Variants in TMSB10 observed in about 807,000 individuals in gnomAD.
TMSB10 encodes thymosin beta-10.
In TMSB10, 4 loss-of-function variants were observed where a neutral mutation model predicts 4.5. The ratio of observed to expected loss-of-function variants is 0.89; its 90% CI spans 0.44 to 2.03. TMSB10 has a LOEUF of 2.03. Ranked by LOEUF, TMSB10 falls within the 30% of genes most tolerant of loss-of-function variation. TMSB10 has a pLI of 0.03. For missense variants in TMSB10, 44 were observed against 53.9 expected (o/e 0.82, Z 0.57); for synonymous variants, 17 against 20.3 (o/e 0.84, Z 0.44).
At chr2:84,906,240 C>A (rs544306603) in intron 2 of TMSB10, 123 bp downstream of exon 2, 242 of 1,430,232 alleles carry the variant, frequency 1.7e-4, no homozygotes, top group Middle Eastern at 7.2e-4. Context: ...GCCACTCTTT[C>A]AGTTTCACAA....
rs1683679551 is a variant in TMSB10, at chr2:84,905,699, GCTCGGAACGAGA to G, written c.-32_-21del. 5.0e-6 allele frequency: 1 copy of G among 200,532 alleles called. No individual in the cohort carries two copies. The highest frequency in any genetic ancestry group is 1.0e-5 in the Non-Finnish European group (1 of 98,938). The allele number at this position is 200,532 out of a possible 1,614,324, so 12.4% of individuals were successfully genotyped here. On this transcript the variant is annotated 5_prime_UTR_variant, in exon 1 of 3. Transcript: ENST00000233143. The stretch of plus-strand genomic sequence containing the variant: ...GCGAGTGGGAGCACCAGGATCTCGG[GCTCGGAACGAGA>G]CTGCACGGTGAGTGCGGCGCCGGGG...
At position 84,906,382 on chromosome 2, in the gene TMSB10, T is replaced by A. The variant is rs879143065; in HGVS notation, c.101-7T>A. ...CCCCTCCAGCGCCCGCTTCCCGCTC[T>A]CCACAGCCATTGAGCAGGAGAAGCG... On this transcript the variant is annotated splice_polypyrimidine_tract_variant and splice_region_variant and intron_variant, in intron 2 of 2. Coordinates refer to ENST00000233143, the MANE Select transcript of TMSB10 (RefSeq NM_021103.4). 2 of 1,602,216 alleles carry A rather than the reference T, an allele frequency of 1.2e-6. No individual in the cohort carries two copies. Among genetic ancestry groups the A allele is most frequent in the East Asian group, 2.2e-5 (1 of 44,682 alleles).
intron 1 of TMSB10, 129 bp downstream of exon 1, chr2:84,905,847 G>T: frequency 1.8e-6 from 1 of 563,438 alleles, no homozygotes. Context: ...CACGCCCTGG[G>T]ACCGAGAAGA....
Position 84,906,569 on chromosome 2 carries a change from A to C in TMSB10, c.*146A>C. On this transcript the variant is annotated 3_prime_UTR_variant, in exon 3 of 3. Coordinates refer to ENST00000233143, the MANE Select transcript of TMSB10 (RefSeq NM_021103.4). ...GATGCCACCGGCCTGTGGGTCTCTG[A>C]AGGGACCCCCCCCCAATCGGACTGC... 2 of 817,650 alleles carry C rather than the reference A, an allele frequency of 2.4e-6. No individual in the cohort carries two copies. The highest frequency in any genetic ancestry group is 3.5e-6 in the Non-Finnish European group (2 of 571,944). The allele number at this position is 817,650 out of a possible 1,614,324, so 50.6% of individuals were successfully genotyped here.
Position 84,906,576 on chromosome 2 carries a change from C to A in TMSB10, c.*153C>A. On this transcript the variant is annotated 3_prime_UTR_variant, in exon 3 of 3. Coordinates refer to ENST00000233143, the MANE Select transcript of TMSB10 (RefSeq NM_021103.4). The stretch of plus-strand genomic sequence containing the variant: ...CCGGCCTGTGGGTCTCTGAAGGGAC[C>A]CCCCCCCAATCGGACTGCCAAATTC... 1 of 703,426 alleles carries A rather than the reference C, an allele frequency of 1.4e-6. No individual in the cohort carries two copies. Among genetic ancestry groups the A allele is most frequent in the Non-Finnish European group, 2.1e-6 (1 of 479,338 alleles). The allele number at this position is 703,426 out of a possible 1,614,324, so 43.6% of individuals were successfully genotyped here. A position where few individuals can be genotyped will look rare whatever the true frequency, so the allele number is the denominator to read the frequency against.
At position 84,906,155 on chromosome 2, in the gene TMSB10, C is replaced by A. The variant is rs556341812; in HGVS notation, c.100+38C>A. 53 of 1,597,358 alleles carry A rather than the reference C, an allele frequency of 3.3e-5. No individual in the cohort carries two copies. In the South Asian group the frequency reaches 5.9e-4, roughly 18 times the overall value. On this transcript the variant is annotated intron_variant, in intron 2 of 2. Coordinates refer to ENST00000233143, the MANE Select transcript of TMSB10 (RefSeq NM_021103.4). ...CGGTCTCCCGCGCCCCAGCCCAGCC[C>A]CTCACCCTGCTCTTCCTTGCAAACC...
rs537595460 is a variant in TMSB10, at chr2:84,906,614, C to T, written c.*191C>T. ...GACTGCCAAATTCTCCGGTTTGCCC[C>T]GGGATATTATAGAAAATTATTTGTA... On this transcript the variant is annotated 3_prime_UTR_variant, in exon 3 of 3. Coordinates refer to ENST00000233143, the MANE Select transcript of TMSB10 (RefSeq NM_021103.4). 7.9e-6 allele frequency: 4 copies of T among 507,980 alleles called. No individual in the cohort carries two copies. The East Asian group carries it at 1.3e-4, about 17-fold the overall frequency. 31.5% of individuals were successfully genotyped at this position (507,980 alleles called of 1,614,324 possible). A position where few individuals can be genotyped will look rare whatever the true frequency, so the allele number is the denominator to read the frequency against.
intron 1 of TMSB10, 84 bp from the exon 2 acceptor site, chr2:84,905,919 G>T: frequency 8.7e-7 from 1 of 1,151,602 alleles, no homozygotes; most frequent in Non-Finnish European, 1.3e-6. Context: ...TGGCGCGAGT[G>T]CCACGTCGAG....
intron 1 of TMSB10, 133 bp downstream of exon 1, chr2:84,905,851 G>A: frequency 1.7e-6 from 1 of 576,460 alleles, no homozygotes; most frequent in Non-Finnish European, 3.0e-6. Flanking sequence ...CCCTGGGACC[G>A]AGAAGAGGGG....
intron 1 of TMSB10, 110 bp from the exon 2 acceptor site, chr2:84,905,893 G>T: frequency 1.2e-6 from 1 of 863,322 alleles, no homozygotes; most frequent in Non-Finnish European, 1.8e-6. Context: ...CGGCCTTGGG[G>T]CTGCTCGGCA....
At chr2:84,905,851 G>C (rs1683683428) in intron 1 of TMSB10, 133 bp downstream of exon 1, 1 of 576,460 alleles carries the variant, frequency 1.7e-6, no homozygotes, top group Non-Finnish European at 3.0e-6. Flanking sequence ...CCCTGGGACC[G>C]AGAAGAGGGG....
Position 84,906,544 on chromosome 2 carries a change from G to T in TMSB10, c.*121G>T. On this transcript the variant is annotated 3_prime_UTR_variant, in exon 3 of 3. Transcript: ENST00000233143. ...ACTGTGAACCTGGGCACTCCGCGCCGATGCCACCGGCCTGTGGGTCTCTGA... is the reference window on the plus strand; with the variant it reads ...ACTGTGAACCTGGGCACTCCGCGCCTATGCCACCGGCCTGTGGGTCTCTGA... The T allele has an allele frequency of 5.1e-6, 6 of 1,173,180 alleles. No homozygotes were observed. The highest frequency in any genetic ancestry group is 5.8e-6 in the Non-Finnish European group (5 of 862,654). The allele number at this position is 1,173,180 out of a possible 1,614,324, so 72.7% of individuals were successfully genotyped here. A position where few individuals can be genotyped will look rare whatever the true frequency, so the allele number is the denominator to read the frequency against.
At position 84,906,556 on chromosome 2, in the gene TMSB10, C is replaced by T. The variant is rs973598006; in HGVS notation, c.*133C>T. ...GGCACTCCGCGCCGATGCCACCGGC[C>T]TGTGGGTCTCTGAAGGGACCCCCCC... On this transcript the variant is annotated 3_prime_UTR_variant, in exon 3 of 3. Coordinates refer to ENST00000233143, the MANE Select transcript of TMSB10 (RefSeq NM_021103.4). 2.0e-6 allele frequency: 2 copies of T among 1,012,768 alleles called. No homozygotes were observed. The highest frequency in any genetic ancestry group is 2.7e-6 in the Non-Finnish European group (2 of 732,154). The allele number at this position is 1,012,768 out of a possible 1,614,324, so 62.7% of individuals were successfully genotyped here. A position where few individuals can be genotyped will look rare whatever the true frequency, so the allele number is the denominator to read the frequency against.
In TMSB10 at chr2:84,905,687, C is replaced by T. The variant is rs933318473; in HGVS notation, c.-47C>T. ...TGCTGCAGCAACGCGAGTGGGAGCA[C>T]CAGGATCTCGGGCTCGGAACGAGAC... On this transcript the variant is annotated 5_prime_UTR_variant, in exon 1 of 3. Transcript: ENST00000233143. The T allele has an allele frequency of 2.1e-5, 4 of 189,350 alleles. No homozygotes were observed. Among genetic ancestry groups the T allele is most frequent in the South Asian group, 1.1e-4 (1 of 8,936 alleles). The allele number at this position is 189,350 out of a possible 1,614,324, so 11.7% of individuals were successfully genotyped here.
chr2:84,905,930 A>G, intron 1 of TMSB10, 73 bp from the exon 2 acceptor site: 1 of 1,280,890 alleles, frequency 7.8e-7, no homozygotes, highest in South Asian at 1.3e-5. Context: ...CCACGTCGAG[A>G]GGCGTCGGCG....
chr2:84,905,967 C>T (rs1246145866), intron 1 of TMSB10, 36 bp from the exon 2 acceptor site: 1 of 1,572,076 alleles, frequency 6.4e-7, no homozygotes, highest in Non-Finnish European at 8.7e-7. Context: ...ACGCTGGCCC[C>T]CAGGCCCAGG....
chr2:84,905,958 C>A lies in TMSB10; in HGVS notation c.-15-45C>A, dbSNP rs367993001. Reference sequence around the variant, plus strand: ...CGTCGGCGGGGAGCGCGGAAGGGGACGCTGGCCCCCAGGCCCAGGTCAAGC... The same window carrying A: ...CGTCGGCGGGGAGCGCGGAAGGGGAAGCTGGCCCCCAGGCCCAGGTCAAGC... On this transcript the variant is annotated intron_variant, in intron 1 of 2. Coordinates refer to ENST00000233143, the MANE Select transcript of TMSB10 (RefSeq NM_021103.4). 143 of 1,526,368 alleles carry A rather than the reference C, an allele frequency of 9.4e-5. 1 individual carries two copies. The highest frequency in any genetic ancestry group is 7.3e-4 in the African/African-American group (53 of 73,042). 94.6% of individuals were successfully genotyped at this position (1,526,368 alleles called of 1,614,324 possible).
intron 1 of TMSB10, 51 bp downstream of exon 1, chr2:84,905,769 G>T: frequency 2.6e-6 from 1 of 378,336 alleles, no homozygotes. Flanking sequence ...GTCGGATCCG[G>T]TGCACCGGGC....
Position 84,906,066 on chromosome 2 carries a change from A to G in TMSB10, c.49A>G (p.Lys17Glu). The G allele has an allele frequency of 6.2e-7, 1 of 1,614,068 alleles. No homozygotes were observed. The highest frequency in any genetic ancestry group is 8.5e-7 in the Non-Finnish European group (1 of 1,179,984). The change falls in exon 2 of 3, where the codon AAG (lysine) becomes GAG (glutamate). Residue 17 changes from lysine (K) to glutamate (E), a missense_variant. By Grantham distance (56) the Lys-to-Glu change is moderately conservative. Transcript: ENST00000233143. Reference protein sequence around the residue: ...MGEIASFDKAKLKKTETQEKN... With the variant: ...MGEIASFDKAELKKTETQEKN... ...GGAAATCGCCAGCTTCGATAAGGCC[A>G]AGCTGAAGAAAACGGAGACGCAGGA... is the stretch of plus-strand genomic sequence containing the variant.
Sources: gnomAD v4.1 joint callset for allele counts on GRCh38, gnomAD v4.1.1 for gene constraint, MANE v1.5 for transcripts, NCBI Gene and HGNC (gene_info 2026-07-23, HGNC 2026-07-21) for gene names.